Variants in EPHA4 observed in about 807,000 individuals in gnomAD.
EPHA4 encodes the protein EPH receptor A4.
EPHA4 carries 19 observed loss-of-function variants against 108.3 expected under a neutral mutation model. The ratio of observed to expected loss-of-function variants is 0.18; its 90% CI spans 0.12 to 0.26. The LOEUF is 0.26. EPHA4 is among the 10% of genes least tolerant of loss of function. The pLI is 1.00. For synonymous variants in EPHA4, 449 were observed against 455.5 expected, an observed-to-expected ratio of 0.99 and a Z score of 0.18; for missense variants, 917 against 1,254.0, an observed-to-expected ratio of 0.73 and a Z score of 4.06.
rs930615257 is a variant in EPHA4, at chr2:221,429,948, C to T, written c.2690+10G>A. On this transcript the variant is annotated intron_variant, in intron 15 of 17. Coordinates refer to ENST00000281821, the MANE Select transcript of EPHA4 (RefSeq NM_004438.5). ...CTTTCATACATCACTATTAAGTAAG[C>T]ATGGCTGACCTGGAGCTCTCCGTCC... The T allele has an allele frequency of 9.3e-6, 15 of 1,613,464 alleles. No individual in the cohort carries two copies. The highest frequency in any genetic ancestry group is 1.3e-5 in the African/African-American group (1 of 74,902).
At chr2:221,513,487 A>G (rs1382031951) in intron 3 of EPHA4, among the ~76,000 whole-genome samples, 1 of 152,158 alleles carries the variant, frequency 6.6e-6, no homozygotes, top group African/African-American at 2.4e-5. Context: ...TGCTCAGTGC[A>G]CCTCTTCTTT....
chr2:221,563,961 C>T lies in EPHA4; in HGVS notation c.593G>A (p.Arg198His), dbSNP rs184759178. 8 of 1,614,048 alleles carry T rather than the reference C, an allele frequency of 5.0e-6. No individual in the cohort carries two copies. Among genetic ancestry groups the T allele is most frequent in the South Asian group, 1.1e-5 (1 of 91,076 alleles). ...VGACIALVSV[R>H]VFYKKCPLTV... The stretch of plus-strand genomic sequence containing the variant: ...GAGTGGACACTTTTTATAGAACACA[C>T]GGACTGATACCAGGGCGATGCAGGC... Residue 198 changes from arginine to histidine, a missense_variant, in exon 3 of 18, where the codon CGT (arginine) becomes CAT (histidine). Around this residue, in one of 3 missense-constraint regions of EPHA4, gnomAD observed 758 missense variants for 1,076.7 expected, o/e 0.70. Coordinates refer to ENST00000281821, the MANE Select transcript of EPHA4 (RefSeq NM_004438.5).
At chr2:221,541,689 C>T (rs1287158660) in intron 3 of EPHA4, among the ~76,000 whole-genome samples, 3 of 152,120 alleles carry the variant, frequency 2.0e-5, no homozygotes, top group Admixed American at 6.5e-5. Context: ...GTGATTCTGA[C>T]GTTACCAACA....
Position 221,571,968 on chromosome 2 carries a change from G to C in EPHA4, c.91+190C>G, listed in dbSNP as rs1212303183. On this transcript the variant is annotated intron_variant, in intron 1 of 17. Transcript: ENST00000281821. This position sits in a 1 kb window ranked among gnomAD's most constrained non-coding sequence, Gnocchi z 6.3. ...CGCCGCGTGCACGGGTCACCGCCTC[G>C]GGGCAGGCTGTCCGGCGGTTCCCCG... is the stretch of plus-strand genomic sequence containing the variant. 1.3e-5 allele frequency among the ~76,000 whole-genome samples: 2 copies of C among 152,084 alleles called. No individual in the cohort carries two copies. The highest frequency in any genetic ancestry group is 2.4e-5 in the African/African-American group (1 of 41,422).
chr2:221,459,093 T>C (rs1691057433), intron 5 of EPHA4, among the ~76,000 whole-genome samples: 1 of 152,106 alleles, frequency 6.6e-6, no homozygotes, highest in African/African-American at 2.4e-5. Flanking sequence ...TGAAATACAT[T>C]GTCACTGAAA....
chr2:221,548,762 T>TCTAC (rs1389374859), intron 3 of EPHA4, among the ~76,000 whole-genome samples: 1 of 152,144 alleles, frequency 6.6e-6, no homozygotes, highest in Non-Finnish European at 1.5e-5. Context: ...ACCTAGATTG[T>TCTAC]CTACCCAAGG....
At chr2:221,439,038 T>A (rs1380444953) in intron 11 of EPHA4, among the ~76,000 whole-genome samples, 1 of 152,104 alleles carries the variant, frequency 6.6e-6, no homozygotes, top group Admixed American at 6.5e-5. Flanking sequence ...ATATATCAAT[T>A]TGTGATATTT....
At chr2:221,509,952 C>T (rs1206411185) in intron 3 of EPHA4, among the ~76,000 whole-genome samples, 1 of 152,080 alleles carries the variant, frequency 6.6e-6, no homozygotes, top group Non-Finnish European at 1.5e-5. Flanking sequence ...CTCTGAACTT[C>T]AATTTTTTCA....
intron 3 of EPHA4, among the ~76,000 whole-genome samples, chr2:221,533,256 G>A (rs923821995): frequency 6.6e-6 from 1 of 152,070 alleles, no homozygotes; most frequent in African/African-American, 2.4e-5. Flanking sequence ...AAACTTTTTT[G>A]TTGTTGTTGA....
chr2:221,493,399 G>T (rs886119375), intron 4 of EPHA4, among the ~76,000 whole-genome samples: 1 of 151,946 alleles, frequency 6.6e-6, no homozygotes, highest in African/African-American at 2.4e-5. Flanking sequence ...ACCTTCAAGA[G>T]CTTGTTTGAA....
At chr2:221,477,608 TC>T (rs1213869076) in intron 5 of EPHA4, among the ~76,000 whole-genome samples, 1 of 151,944 alleles carries the variant, frequency 6.6e-6, no homozygotes, top group Non-Finnish European at 1.5e-5. Context: ...CTTACTGTTT[TC>T]CCCCCGCAAC....
rs899157932 is a variant in EPHA4, at chr2:221,571,540, C to G, written c.91+618G>C. On this transcript the variant is annotated intron_variant, in intron 1 of 17. Transcript: ENST00000281821. This position sits in a 1 kb window ranked among gnomAD's most constrained non-coding sequence, Gnocchi z 6.3. Reference sequence around the variant, plus strand: ...TGCGGGGCGAAGAGCTCGGGCCCCTCAGGCCCGCAATCGCACCCTCGGGGC... The same window carrying G: ...TGCGGGGCGAAGAGCTCGGGCCCCTGAGGCCCGCAATCGCACCCTCGGGGC... Among the ~76,000 whole-genome samples the G allele has an allele frequency of 2.6e-5, 4 of 152,240 alleles. No homozygotes were observed. Among genetic ancestry groups the G allele is most frequent in the African/African-American group, 9.6e-5 (4 of 41,470 alleles).
intron 5 of EPHA4, among the ~76,000 whole-genome samples, chr2:221,465,568 CT>C (rs1346556496): frequency 1.3e-5 from 2 of 152,174 alleles, no homozygotes; most frequent in African/African-American, 2.4e-5. Context: ...CAAAGACTAC[CT>C]TCCTAGATTC....
intron 3 of EPHA4, among the ~76,000 whole-genome samples, chr2:221,528,348 C>T (rs141128057): frequency 1.3e-3 from 196 of 152,240 alleles, no homozygotes; most frequent in African/African-American, 4.4e-3. Flanking sequence ...ACCATTTAAA[C>T]AGGAAGTGTA....
rs544749132 is a variant in EPHA4 at position 221,524,568 on chromosome 2, A to G, written c.824-23396T>C. 3.3e-5 allele frequency among the ~76,000 whole-genome samples: 5 copies of G among 152,348 alleles called. No individual in the cohort carries two copies. The South Asian group carries it at 8.3e-4, about 25-fold the overall frequency. Reference sequence around the variant, plus strand: ...TGGGAAAAGCGGCTGTAATTTCCTAACAAAGCCTATGTCAAATGAAAAGGC... The same window carrying G: ...TGGGAAAAGCGGCTGTAATTTCCTAGCAAAGCCTATGTCAAATGAAAAGGC... On this transcript the variant is annotated intron_variant, in intron 3 of 17. Transcript: ENST00000281821.
At chr2:221,488,783 C>T (rs1692052807) in intron 4 of EPHA4, among the ~76,000 whole-genome samples, 1 of 152,044 alleles carries the variant, frequency 6.6e-6, no homozygotes, top group Admixed American at 6.6e-5. Context: ...GTGCTCTTCT[C>T]TGGGGAAAAA....
intron 2 of EPHA4, among the ~76,000 whole-genome samples, chr2:221,564,727 C>A (rs1258183209): frequency 2.0e-5 from 3 of 151,938 alleles, no homozygotes; most frequent in African/African-American, 7.3e-5. Context: ...CAAGTGGCAA[C>A]AGTTCAAATT....
At chr2:221,493,229 T>A (rs1692200955) in intron 4 of EPHA4, among the ~76,000 whole-genome samples, 1 of 152,084 alleles carries the variant, frequency 6.6e-6, no homozygotes, top group Non-Finnish European at 1.5e-5. Flanking sequence ...TGCTTTCGGG[T>A]AGATAAAAAA....
chr2:221,477,073 A>T (rs546000210), intron 5 of EPHA4, among the ~76,000 whole-genome samples: 26 of 136,430 alleles, frequency 1.9e-4, no homozygotes, highest in Admixed American at 9.5e-4. Context: ...TATTATTATT[A>T]TTTTGCAGTT....
Sources: allele counts gnomAD v4.1 joint callset (sites outside exome capture counted in the v4.1 genomes callset), GRCh38; gene constraint gnomAD v4.1.1; regional missense constraint gnomAD v4.1.1; non-coding constraint Gnocchi (gnomAD v3.1); transcripts MANE v1.5; gene names NCBI Gene and HGNC (gene_info 2026-07-23, HGNC 2026-07-21).